The following ATIC variants were observed in gnomAD, a reference collection of about 807,000 sequenced individuals.
ATIC encodes the protein 5-aminoimidazole-4-carboxamide ribonucleotide formyltransferase/IMP cyclohydrolase.
Under a neutral mutation model 72.5 loss-of-function variants are expected in ATIC, and 64 were observed. The observed-to-expected ratio is 0.88, with a 90% CI of 0.72 to 1.09. ATIC has a LOEUF of 1.09. Among genes scored for constraint, ATIC ranks in the 50% least tolerant of loss-of-function variants. The pLI is 0.00. For synonymous variants in ATIC, 281 were observed against 267.1 expected (o/e 1.05, Z -0.51); for missense variants, 787 against 732.4 (o/e 1.07, Z -0.86).
chr2:215,343,053 T>C (rs2053036269), intron 12 of ATIC, among the ~76,000 whole-genome samples: 2 of 152,230 alleles, frequency 1.3e-5, no homozygotes, highest in Admixed American at 1.3e-4. Flanking sequence ...ACTAAGAAAC[T>C]GCTGAATTGT....
intron 9 of ATIC, 108 bp from the exon 10 acceptor site, chr2:215,334,810 GT>G: frequency 1.2e-6 from 1 of 857,750 alleles, no homozygotes; most frequent in Non-Finnish European, 1.9e-6. Context: ...TATGTAAACA[GT>G]AAGATTAGCT....
intron 11 of ATIC, among the ~76,000 whole-genome samples, chr2:215,336,639 T>C (rs951370398): frequency 6.6e-6 from 1 of 152,370 alleles, no homozygotes; most frequent in South Asian, 2.1e-4. Context: ...TTTTCTATTT[T>C]CCTATTGACA....
chr2:215,331,485 C>T (rs1460625989), intron 7 of ATIC, among the ~76,000 whole-genome samples: 3 of 149,808 alleles, frequency 2.0e-5, no homozygotes, highest in Non-Finnish European at 4.4e-5. Flanking sequence ...CAGGTTCAAG[C>T]GATTCTCCTG....
intron 12 of ATIC, 95 bp from the exon 13 acceptor site, chr2:215,344,683 CA>C: frequency 8.0e-6 from 10 of 1,257,476 alleles, no homozygotes; most frequent in South Asian, 1.3e-5. Flanking sequence ...GACTCTGACT[CA>C]AAAAAACCAC....
intron 13 of ATIC, chr2:215,345,438 G>A (rs571479270): frequency 4.9e-5 from 8 of 164,398 alleles, no homozygotes; most frequent in Admixed American, 1.7e-4. Context: ...GTATGTGACC[G>A]CTGCCACAAT....
intron 12 of ATIC, among the ~76,000 whole-genome samples, chr2:215,342,780 A>G (rs2053033302): frequency 6.6e-6 from 1 of 152,148 alleles, no homozygotes; most frequent in South Asian, 2.1e-4. Flanking sequence ...CCCGGGTTCA[A>G]GCGATTCTCC....
In ATIC at chr2:215,312,151, C is replaced by A; in HGVS notation, c.9C>A (p.Pro3=). The A allele has an allele frequency of 2.0e-6, 3 of 1,523,152 alleles. No homozygotes were observed. Among genetic ancestry groups the A allele is most frequent in the Non-Finnish European group, 2.6e-6 (3 of 1,142,282 alleles). The allele number at this position is 1,523,152 out of a possible 1,614,324, so 94.4% of individuals were successfully genotyped here. A position where few individuals can be genotyped will look rare whatever the true frequency, so the allele number is the denominator to read the frequency against. Residue 3 remains proline, a synonymous_variant, in exon 1 of 16, where the codon CCC becomes CCA. Coordinates refer to ENST00000236959, the MANE Select transcript of ATIC (RefSeq NM_004044.7). ...ACCCAGTGCCTGCAGCCATGGCTCC[C>A]GGCCAGCTCGGTGAGGCCCTAGCGG... MA[P]GQLALFSVSD... is the part of the protein sequence containing the mutation.
chr2:215,367,569 C>CT, the ATIC span: 1 of 418,302 alleles, frequency 2.4e-6, no homozygotes, highest in Non-Finnish European at 4.5e-6. Flanking sequence ...TTCCAAAAGT[C>CT]TTTATCCATT....
chr2:215,367,961 G>A, the ATIC span: 1 of 1,614,138 alleles, frequency 6.2e-7, no homozygotes, highest in South Asian at 1.1e-5. Context: ...ATCTCCAACG[G>A]CATAATGGGA....
chr2:215,312,209 C>T (rs1400690213), intron 1 of ATIC, 48 bp downstream of exon 1: 3 of 1,478,976 alleles, frequency 2.0e-6, no homozygotes, highest in East Asian at 5.6e-5. Context: ...CCTGCGGCCC[C>T]CCACGCTCCC....
chr2:215,361,767 C>G, the ATIC span: 11 of 981,238 alleles, frequency 1.1e-5, no homozygotes, highest in Non-Finnish European at 1.7e-5. Context: ...AACCTAGCAG[C>G]ATACTGGGCA....
chr2:215,332,681 A>G (rs560930353), intron 8 of ATIC, among the ~76,000 whole-genome samples, 174 bp downstream of exon 8: 1 of 152,230 alleles, frequency 6.6e-6, no homozygotes, highest in Non-Finnish European at 1.5e-5. Flanking sequence ...ACACACACAC[A>G]GAATTGTGTA....
chr2:215,349,496 A>T, intron 15 of ATIC, 40 bp from the exon 16 acceptor site: 1 of 1,613,850 alleles, frequency 6.2e-7, no homozygotes, highest in Non-Finnish European at 8.5e-7. Flanking sequence ...GCAGGTTTTT[A>T]CATAAAATCG....
chr2:215,334,828 T>A (rs10932608), intron 9 of ATIC, 91 bp from the exon 10 acceptor site: 234,154 of 1,008,782 alleles, frequency 0.23, 29,399 homozygotes, highest in East Asian at 0.48. Context: ...AGCTTTAGAG[T>A]AATGAATTTT....
At chr2:215,346,618 T>G in intron 13 of ATIC, 141 bp from the exon 14 acceptor site, 3 of 948,382 alleles carry the variant, frequency 3.2e-6, no homozygotes, top group Non-Finnish European at 5.0e-6. Context: ...GACTTAAAAA[T>G]TATTTATATT....
intron 1 of ATIC, 65 bp downstream of exon 1, chr2:215,312,226 GCGGCGGC>G: frequency 6.9e-7 from 1 of 1,450,806 alleles, no homozygotes; most frequent in Non-Finnish European, 9.0e-7. Context: ...TCCCGCCTTG[GCGGCGGC>G]CGGCGGGACC....
chr2:215,366,811 A>AGTT, the ATIC span, among the ~76,000 whole-genome samples: 1,290 of 152,374 alleles, frequency 8.5e-3, 20 homozygotes, highest in African/African-American at 0.03. Flanking sequence ...CAAACAGGTA[A>AGTT]TAAACATACA....
the ATIC span, chr2:215,364,449 C>G: frequency 3.7e-6 from 1 of 270,586 alleles, no homozygotes; most frequent in Non-Finnish European, 7.2e-6. Flanking sequence ...CTCAGGCTGC[C>G]CAGGATGGGG....
rs765583550 is a variant in ATIC at position 215,346,768 on chromosome 2, A to G, written c.1330A>G (p.Ile444Val). Residue 444 changes from isoleucine (I) to valine (V), a missense_variant, in exon 14 of 16, where the codon ATT becomes GTT. Coordinates refer to ENST00000236959, the MANE Select transcript of ATIC (RefSeq NM_004044.7). Reference sequence around the variant, plus strand: ...TGTCTGTGTTCCTCAGGTTATCGGCATTGGAGCAGGACAGCAGTCTCGTAT... The same window carrying G: ...TGTCTGTGTTCCTCAGGTTATCGGCGTTGGAGCAGGACAGCAGTCTCGTAT... ...CYAKNGQVIG[I>V]GAGQQSRIHC... 6 of 1,614,170 alleles carry G rather than the reference A, an allele frequency of 3.7e-6. No homozygotes were observed. Among genetic ancestry groups the G allele is most frequent in the Non-Finnish European group, 3.4e-6 (4 of 1,180,014 alleles).
Sources: gnomAD v4.1 joint callset for allele counts (sites outside exome capture counted in the v4.1 genomes callset) on GRCh38, gnomAD v4.1.1 for gene constraint, MANE v1.5 for transcripts, NCBI Gene and HGNC (gene_info 2026-07-23, HGNC 2026-07-21) for gene names.